TUSC3: variants seen among roughly 807,000 people sequenced by gnomAD.
The protein encoded by TUSC3 is dolichyl-diphosphooligosaccharide--protein glycosyltransferase subunit TUSC3.
TUSC3 carries 45 observed loss-of-function variants against 44.8 expected under a neutral mutation model. The observed-to-expected ratio is 1.00, with a 90% CI of 0.79 to 1.29. TUSC3 has a LOEUF of 1.29. TUSC3 is among the 50% of genes most tolerant of loss of function. The pLI, the probability that TUSC3 is intolerant of heterozygous loss-of-function variation, is 0.00. For synonymous variants in TUSC3, 212 were observed against 152.9 expected, an observed-to-expected ratio of 1.39 and a Z score of -2.85; for missense variants, 519 against 437.9, an observed-to-expected ratio of 1.19 and a Z score of -1.65.
intron 1 of TUSC3, among the ~76,000 whole-genome samples, chr8:15,425,935 GA>G: frequency 6.6e-6 from 1 of 152,286 alleles, no homozygotes; most frequent in East Asian, 1.9e-4. Context: ...AGGATCGCTT[GA>G]GCCCAGGAGT....
At chr8:15,608,573 T>C (rs1268125701) in intron 1 of TUSC3, among the ~76,000 whole-genome samples, 1 of 152,184 alleles carries the variant, frequency 6.6e-6, no homozygotes, top group East Asian at 1.9e-4. Flanking sequence ...AATTCCCATG[T>C]GTCACGGGAG....
intron 1 of TUSC3, among the ~76,000 whole-genome samples, chr8:15,581,551 C>G (rs1484279473): frequency 2.0e-5 from 3 of 148,612 alleles, no homozygotes; most frequent in Non-Finnish European, 3.0e-5. Context: ...GGACCCTCAG[C>G]TGCAGGTCTG....
chr8:15,640,807 CATT>C (rs1199258545), intron 2 of TUSC3, among the ~76,000 whole-genome samples: 1 of 152,148 alleles, frequency 6.6e-6, no homozygotes, highest in East Asian at 1.9e-4. Context: ...CTGCTGCTCT[CATT>C]ATCTCAGAGT....
intron 2 of TUSC3, among the ~76,000 whole-genome samples, chr8:15,625,501 A>G (rs7464307): frequency 0.19 from 28,873 of 152,166 alleles, 2,727 homozygotes; most frequent in South Asian, 0.26. Flanking sequence ...TAAATTACAT[A>G]ATCCATTTCC....
chr8:15,522,747 A>C (rs1801314911), intron 2 of TUSC3, among the ~76,000 whole-genome samples: 1 of 151,994 alleles, frequency 6.6e-6, no homozygotes, highest in Non-Finnish European at 1.5e-5. Flanking sequence ...CTCTGGCTTC[A>C]CTCAGGGCTT....
the TUSC3 span, among the ~76,000 whole-genome samples, chr8:15,776,239 C>G: frequency 6.6e-6 from 1 of 151,994 alleles, no homozygotes; most frequent in Admixed American, 6.6e-5. Flanking sequence ...TCAGTTTTAC[C>G]TATAAACATG....
chr8:15,474,141 T>C (rs909587078), intron 1 of TUSC3, among the ~76,000 whole-genome samples: 1 of 152,230 alleles, frequency 6.6e-6, no homozygotes, highest in African/African-American at 2.4e-5. Flanking sequence ...ATAGGCTGTC[T>C]GCACGAAGAA....
intron 6 of TUSC3, among the ~76,000 whole-genome samples, chr8:15,699,067 T>C (rs1809288894): frequency 6.6e-6 from 1 of 152,120 alleles, no homozygotes; most frequent in African/African-American, 2.4e-5. Flanking sequence ...AGGCTGGTCT[T>C]GGACTCCTAG....
chr8:15,687,664 G>A (rs1181934837), intron 6 of TUSC3, among the ~76,000 whole-genome samples: 2 of 152,112 alleles, frequency 1.3e-5, no homozygotes, highest in African/African-American at 4.8e-5. Flanking sequence ...AACTGTTGCT[G>A]CCTATCTATG....
chr8:15,704,813 G>A (rs1206513890), intron 6 of TUSC3, among the ~76,000 whole-genome samples: 3 of 151,994 alleles, frequency 2.0e-5, no homozygotes, highest in South Asian at 2.1e-4. Flanking sequence ...AGGAAGGATC[G>A]TTACTTCTTA....
At chr8:15,638,882 C>T (rs1004491026) in intron 2 of TUSC3, among the ~76,000 whole-genome samples, 12 of 152,082 alleles carry the variant, frequency 7.9e-5, no homozygotes, top group Non-Finnish European at 1.6e-4. Flanking sequence ...TGCTAGATCA[C>T]GTGATGTTCA....
At chr8:15,521,963 A>C (rs1269516509) in intron 2 of TUSC3, among the ~76,000 whole-genome samples, 2 of 152,260 alleles carry the variant, frequency 1.3e-5, no homozygotes. Flanking sequence ...GCAGCAAACG[A>C]ATAGCTGCTC....
intron 2 of TUSC3, among the ~76,000 whole-genome samples, chr8:15,491,187 A>G (rs1041493508): frequency 1.3e-5 from 2 of 151,858 alleles, no homozygotes; most frequent in African/African-American, 4.8e-5. Context: ...GTCTCAGTAG[A>G]GTGAAGGGAT....
At chr8:15,695,829 G>C (rs1377101502) in intron 6 of TUSC3, among the ~76,000 whole-genome samples, 2 of 152,198 alleles carry the variant, frequency 1.3e-5, no homozygotes, top group African/African-American at 2.4e-5. Context: ...CCCTGCCCTA[G>C]AGATTTGTGG....
chr8:15,661,160 A>C (rs1807406742), intron 4 of TUSC3, among the ~76,000 whole-genome samples: 1 of 151,994 alleles, frequency 6.6e-6, no homozygotes. Flanking sequence ...ATTTTGAAAG[A>C]AATAAGCAAA....
the TUSC3 span, among the ~76,000 whole-genome samples, chr8:15,793,607 T>C: frequency 1.3e-5 from 2 of 152,206 alleles, no homozygotes; most frequent in African/African-American, 4.8e-5. Context: ...TTTGCCATTA[T>C]TTGAAACAGC....
At chr8:15,455,266 G>C (rs920995133) in intron 1 of TUSC3, among the ~76,000 whole-genome samples, 2 of 152,146 alleles carry the variant, frequency 1.3e-5, no homozygotes, top group African/African-American at 4.8e-5. Context: ...AATCTAGGAA[G>C]CTTCTAATGT....
At chr8:15,573,168 T>TCTTTCTCTCTCTC (rs1563296867) in intron 1 of TUSC3, among the ~76,000 whole-genome samples, 10 of 85,548 alleles carry the variant, frequency 1.2e-4, no homozygotes, top group African/African-American at 4.0e-4. Flanking sequence ...TTCTCTCTCT[T>TCTTTCTCTCTCTC]TCTCTCTCTC....
Position 15,765,983 on chromosome 8 carries a change from TTATCTC to T in TUSC3, c.*1830_*1835del, listed in dbSNP as rs764778250. 9.2e-5 allele frequency: 14 copies of T among 152,202 alleles called. No individual in the cohort carries two copies. The South Asian group carries it at 1.7e-3, about 18-fold the overall frequency. The allele number at this position is 152,202 out of a possible 1,614,324, so 9.4% of individuals were successfully genotyped here. ...GCAGCTGATTAAATGATATTACAAA[TTATCTC>T]TAATCTCACTGTAAATCTTTTAATC... is the stretch of plus-strand genomic sequence containing the variant. On this transcript the variant is annotated 3_prime_UTR_variant, in exon 11 of 11. Coordinates refer to ENST00000503731, the MANE Select transcript of TUSC3 (RefSeq NM_006765.4).
Sources: allele counts gnomAD v4.1 joint callset (sites outside exome capture counted in the v4.1 genomes callset), GRCh38; gene constraint gnomAD v4.1.1; transcripts MANE v1.5; gene names NCBI Gene and HGNC (gene_info 2026-07-23, HGNC 2026-07-21).